PITPNB: variants seen among roughly 807,000 people sequenced by gnomAD.
PITPNB encodes phosphatidylinositol transfer protein beta isoform.
PITPNB carries 16 observed loss-of-function variants against 45.9 expected under a neutral mutation model. The observed-to-expected ratio is 0.35, with a 90% CI of 0.24 to 0.53. PITPNB has a LOEUF of 0.53. Among genes scored for constraint, PITPNB ranks in the 20% least tolerant of loss-of-function variants. PITPNB has a pLI of 0.93. For synonymous variants in PITPNB, 112 were observed against 108.9 expected, an observed-to-expected ratio of 1.03 and a Z score of -0.18; for missense variants, 188 against 330.5, an observed-to-expected ratio of 0.57 and a Z score of 3.34.
intron 7 of PITPNB, among the ~76,000 whole-genome samples, chr22:27,882,807 A>G (rs1483435710): frequency 6.6e-6 from 1 of 152,254 alleles, no homozygotes; most frequent in Non-Finnish European, 1.5e-5. Flanking sequence ...AACAGTTGGA[A>G]CTTGTAAGTC....
At chr22:27,909,345 C>T (rs1274150739) in intron 3 of PITPNB, among the ~76,000 whole-genome samples, 1 of 150,738 alleles carries the variant, frequency 6.6e-6, no homozygotes, top group African/African-American at 2.4e-5. Context: ...GGATTATAGG[C>T]CTGAGCCACC....
chr22:27,913,839 T>C (rs191195110), intron 2 of PITPNB, among the ~76,000 whole-genome samples: 6 of 152,328 alleles, frequency 3.9e-5, no homozygotes, highest in South Asian at 2.1e-4. Flanking sequence ...TCAGAAAACC[T>C]GAAGGATTAA....
At chr22:27,857,234 A>T (rs2146345291) in intron 10 of PITPNB, among the ~76,000 whole-genome samples, 1 of 152,346 alleles carries the variant, frequency 6.6e-6, no homozygotes, top group Middle Eastern at 3.4e-3. Flanking sequence ...CCAAATTTCA[A>T]ACAATCAACT....
intron 7 of PITPNB, among the ~76,000 whole-genome samples, chr22:27,892,263 T>C (rs1351207707): frequency 1.3e-5 from 2 of 152,240 alleles, no homozygotes. Context: ...TCCACGGTTC[T>C]TGTGCAATCT....
chr22:27,914,264 T>A, intron 2 of PITPNB, 53 bp downstream of exon 2: 2 of 1,119,352 alleles, frequency 1.8e-6, no homozygotes, highest in Non-Finnish European at 2.7e-6. Context: ...GAGTAACATA[T>A]CAAAGTACAG....
rs1268716991 is a variant in PITPNB, at chr22:27,864,916, C to A, written c.535-4675G>T. 6.3e-5 allele frequency among the ~76,000 whole-genome samples: 9 copies of A among 142,138 alleles called. No homozygotes were observed. The South Asian group carries it at 8.9e-4, about 14-fold the overall frequency. The allele number at this position is 142,138 out of a possible 152,430, so 93.2% of individuals were successfully genotyped here. A position where few individuals can be genotyped will look rare whatever the true frequency, so the allele number is the denominator to read the frequency against. On this transcript the variant is annotated intron_variant, in intron 8 of 11. Transcript: ENST00000335272. ...TCGTGCCATTGCACTCCAGCCTGGG[C>A]AACAACAGCAAAACTCAAAAAAAAA...
chr22:27,878,911 A>G (rs974742896), intron 7 of PITPNB, among the ~76,000 whole-genome samples: 5 of 152,234 alleles, frequency 3.3e-5, no homozygotes, highest in African/African-American at 1.2e-4. Flanking sequence ...AAAATATTCT[A>G]TAATTCAGTC....
chr22:27,918,437 G>A (rs1363237597), intron 1 of PITPNB, among the ~76,000 whole-genome samples: 1 of 152,214 alleles, frequency 6.6e-6, no homozygotes, highest in African/African-American at 2.4e-5. Context: ...GTCCTTGCCA[G>A]TAGGAAAAGC....
chr22:27,858,887 G>A (rs1347235666), intron 9 of PITPNB, among the ~76,000 whole-genome samples: 6 of 151,960 alleles, frequency 3.9e-5, no homozygotes, highest in African/African-American at 1.5e-4. Context: ...ACTATATATT[G>A]TCATTCTTAA....
intron 8 of PITPNB, among the ~76,000 whole-genome samples, chr22:27,865,748 T>A (rs557533212): frequency 1.1e-4 from 17 of 151,978 alleles, no homozygotes; most frequent in African/African-American, 3.1e-4. Context: ...AACTATTGGG[T>A]ATGGGCAGGG....
chr22:27,902,539 AAAAATTAAC>A (rs1935629411), intron 3 of PITPNB, among the ~76,000 whole-genome samples: 1 of 152,244 alleles, frequency 6.6e-6, no homozygotes, highest in South Asian at 2.1e-4. Context: ...AGTTAATTGC[AAAAATTAAC>A]TCAAAATGGA....
intron 8 of PITPNB, among the ~76,000 whole-genome samples, chr22:27,861,529 C>CA (rs1289455122): frequency 6.6e-6 from 1 of 152,106 alleles, no homozygotes; most frequent in Non-Finnish European, 1.5e-5. Context: ...GTGATGTGTG[C>CA]AGAAGACCAA....
chr22:27,896,720 C>T (rs1162185224), intron 5 of PITPNB, 94 bp from the exon 6 acceptor site: 3 of 765,294 alleles, frequency 3.9e-6, no homozygotes, highest in Non-Finnish European at 6.8e-6. Flanking sequence ...GGCATCCATG[C>T]TTTGACTCTA....
At chr22:27,898,022 A>G in intron 3 of PITPNB, 130 bp from the exon 4 acceptor site, 1 of 661,816 alleles carries the variant, frequency 1.5e-6, no homozygotes, top group Non-Finnish European at 2.8e-6. Flanking sequence ...AGTTTATTTC[A>G]ATCCTAAAGT....
At chr22:27,913,875 T>A (rs1936004167) in intron 2 of PITPNB, among the ~76,000 whole-genome samples, 1 of 152,222 alleles carries the variant, frequency 6.6e-6, no homozygotes, top group South Asian at 2.1e-4. Context: ...ACAGGCTTAT[T>A]TCCCATTGCT....
intron 7 of PITPNB, among the ~76,000 whole-genome samples, chr22:27,879,333 C>T (rs1219653457): frequency 6.6e-6 from 1 of 152,182 alleles, no homozygotes; most frequent in Non-Finnish European, 1.5e-5. Flanking sequence ...TATCCTACAA[C>T]ACAGCAAGGA....
At chr22:27,864,631 T>A (rs1034222177) in intron 8 of PITPNB, among the ~76,000 whole-genome samples, 1 of 152,156 alleles carries the variant, frequency 6.6e-6, no homozygotes, top group African/African-American at 2.4e-5. Context: ...CTATTATGCA[T>A]ACAGCCATTA....
chr22:27,888,434 A>G (rs187864352), intron 7 of PITPNB, among the ~76,000 whole-genome samples: 9 of 152,286 alleles, frequency 5.9e-5, no homozygotes, highest in Non-Finnish European at 1.3e-4. Flanking sequence ...CCCACAGACA[A>G]TGTATGGGAG....
intron 1 of PITPNB, among the ~76,000 whole-genome samples, chr22:27,918,510 G>A (rs538900606): frequency 1.3e-5 from 2 of 152,336 alleles, no homozygotes; most frequent in East Asian, 1.9e-4. Flanking sequence ...CCATTTGACA[G>A]AGCACGTGTT....
Sources: gnomAD v4.1 joint callset for allele counts (sites outside exome capture counted in the v4.1 genomes callset) on GRCh38, gnomAD v4.1.1 for gene constraint, MANE v1.5 for transcripts, NCBI Gene and HGNC (gene_info 2026-07-23, HGNC 2026-07-21) for gene names.